The following CYYR1 variants were observed in gnomAD, a reference collection of about 807,000 sequenced individuals.
CYYR1 encodes cysteine and tyrosine rich 1.
CYYR1 carries 14 observed loss-of-function variants against 15.2 expected under a neutral mutation model. That is an observed-to-expected ratio of 0.92 (90% confidence interval 0.61 to 1.44). CYYR1 has a LOEUF of 1.44. Among genes scored for constraint, CYYR1 ranks in the 40% most tolerant of loss-of-function variants. CYYR1 has a pLI of 0.00. For missense variants in CYYR1, 228 were observed against 209.5 expected, an observed-to-expected ratio of 1.09 and a Z score of -0.54; for synonymous variants, 80 against 77.4, an observed-to-expected ratio of 1.03 and a Z score of -0.18.
At chr21:26,526,092 C>G (rs1601792589) in intron 2 of CYYR1, among the ~76,000 whole-genome samples, 1 of 152,032 alleles carries the variant, frequency 6.6e-6, no homozygotes, top group African/African-American at 2.4e-5. Context: ...AGGAAATAAT[C>G]TGTACAACAA....
intron 2 of CYYR1, among the ~76,000 whole-genome samples, chr21:26,513,057 G>A (rs2065672156): frequency 1.3e-5 from 2 of 152,024 alleles, no homozygotes; most frequent in Admixed American, 1.3e-4. Flanking sequence ...CTTTGTTCAC[G>A]TTGCTTCCCT....
At chr21:26,474,283 G>A (rs2065073014) in intron 3 of CYYR1, among the ~76,000 whole-genome samples, 1 of 151,706 alleles carries the variant, frequency 6.6e-6, no homozygotes, top group Non-Finnish European at 1.5e-5. Context: ...TCGAACTTCT[G>A]ACCTCATGAT....
intron 2 of CYYR1, among the ~76,000 whole-genome samples, chr21:26,481,282 A>G (rs2065176847): frequency 6.6e-6 from 1 of 152,148 alleles, no homozygotes; most frequent in African/African-American, 2.4e-5. Flanking sequence ...CATAAATACT[A>G]TAACAAGGAT....
intron 2 of CYYR1, among the ~76,000 whole-genome samples, chr21:26,515,636 A>C (rs2065717728): frequency 6.6e-6 from 1 of 152,158 alleles, no homozygotes; most frequent in Non-Finnish European, 1.5e-5. Flanking sequence ...GTCTTTATTC[A>C]GAACTGCTCT....
intron 3 of CYYR1, among the ~76,000 whole-genome samples, chr21:26,473,361 A>G (rs1428568707): frequency 6.6e-6 from 1 of 152,062 alleles, no homozygotes; most frequent in East Asian, 1.9e-4. Context: ...CATAAACTCA[A>G]TACTGCCCAT....
At chr21:26,550,546 A>AG (rs776589689) in intron 2 of CYYR1, 4 of 152,182 alleles carry the variant, frequency 2.6e-5, no homozygotes, top group Admixed American at 6.6e-5. Flanking sequence ...AAGTTCTTGA[A>AG]GGAAATTAAA....
chr21:26,554,461 T>C (rs1601825650), intron 2 of CYYR1, among the ~76,000 whole-genome samples: 3 of 152,294 alleles, frequency 2.0e-5, no homozygotes, highest in Non-Finnish European at 4.4e-5. Context: ...GTGTATCTAA[T>C]GTACATGACT....
Position 26,542,657 on chromosome 21 carries a change from T to G in CYYR1, c.176+23609A>C, listed in dbSNP as rs193271965. 1.1e-4 allele frequency among the ~76,000 whole-genome samples: 17 copies of G among 152,034 alleles called. No homozygotes were observed. The East Asian group carries it at 3.3e-3, about 29-fold the overall frequency. Reference sequence around the variant, plus strand: ...ACATAAAGTAAAAACCAAAAAGAATTAAAAGGCATACAGATCAGAAAGAAG... The same window carrying G: ...ACATAAAGTAAAAACCAAAAAGAATGAAAAGGCATACAGATCAGAAAGAAG... On this transcript the variant is annotated intron_variant, in intron 2 of 3. Coordinates refer to ENST00000652641, the MANE Select transcript of CYYR1 (RefSeq NM_001320768.2).
rs2064996854 is a variant in CYYR1, at chr21:26,468,620, A to T, written c.349T>A (p.Tyr117Asn). ...TATTCCATCTCGTGGTCGTGACCGT[A>T]GGGTGGTGGTCCTGCTGAAAAAGAA... The part of the protein sequence containing the change: ...VSSYPAGPPP[Y>N]GHDHEMEYCA... The change falls in exon 4 of 4, where the codon TAC becomes AAC. Residue 117 changes from tyrosine to asparagine, a missense_variant. Tyr to Asn is a moderately radical substitution (Grantham distance 143). Coordinates refer to ENST00000652641, the MANE Select transcript of CYYR1 (RefSeq NM_001320768.2). 1 of 1,607,964 alleles carries T rather than the reference A, an allele frequency of 6.2e-7. No homozygotes were observed. Among genetic ancestry groups the T allele is most frequent in the Non-Finnish European group, 8.5e-7 (1 of 1,176,680 alleles).
At chr21:26,541,356 G>A (rs1226698867) in intron 2 of CYYR1, among the ~76,000 whole-genome samples, 4 of 152,086 alleles carry the variant, frequency 2.6e-5, no homozygotes, top group Non-Finnish European at 5.9e-5. Flanking sequence ...AATCTTGAAA[G>A]CATCCATAGA....
intron 2 of CYYR1, 81 bp from the exon 3 acceptor site, chr21:26,480,510 G>C: frequency 7.3e-7 from 1 of 1,377,588 alleles, no homozygotes. Flanking sequence ...ATGATTATAG[G>C]ACAAGTGTTT....
rs577450711 is a variant in CYYR1, at chr21:26,566,122, T to G, written c.176+144A>C. On this transcript the variant is annotated intron_variant, in intron 2 of 3. Transcript: ENST00000652641. ...TATAGTCCATTAGATAGCGATGTGT[T>G]AATATCTCCAGTAAAGATTTCATGT... is the stretch of plus-strand genomic sequence containing the variant. 2.3e-5 allele frequency: 14 copies of G among 598,662 alleles called. No homozygotes were observed. The East Asian group carries it at 3.6e-4, about 15-fold the overall frequency. 37.1% of individuals were successfully genotyped at this position (598,662 alleles called of 1,614,324 possible).
chr21:26,539,445 C>T (rs1396037747), intron 2 of CYYR1, among the ~76,000 whole-genome samples: 1 of 152,176 alleles, frequency 6.6e-6, no homozygotes, highest in African/African-American at 2.4e-5. Context: ...TCTGATAAAA[C>T]CAATCCAAAA....
intron 2 of CYYR1, among the ~76,000 whole-genome samples, chr21:26,486,904 C>T (rs550616069): frequency 1.3e-5 from 2 of 151,832 alleles, no homozygotes; most frequent in Non-Finnish European, 2.9e-5. Flanking sequence ...ATGAAAAGTA[C>T]GCCAGAGTAA....
intron 2 of CYYR1, among the ~76,000 whole-genome samples, chr21:26,504,468 A>G (rs1601763411): frequency 6.6e-6 from 1 of 151,928 alleles, no homozygotes; most frequent in Non-Finnish European, 1.5e-5. Context: ...GATGGGGTTT[A>G]ACCATATTGG....
intron 3 of CYYR1, among the ~76,000 whole-genome samples, chr21:26,478,925 T>A (rs1379950459): frequency 6.6e-6 from 1 of 152,106 alleles, no homozygotes; most frequent in African/African-American, 2.4e-5. Context: ...TGGTAAAGGC[T>A]GTGAGTGGAC....
intron 3 of CYYR1, among the ~76,000 whole-genome samples, chr21:26,478,823 T>C (rs113162441): frequency 1.1e-4 from 16 of 152,134 alleles, no homozygotes; most frequent in African/African-American, 3.4e-4. Flanking sequence ...CAAAATACTG[T>C]ATATATTTTG....
chr21:26,537,791 T>C (rs1978319088), intron 2 of CYYR1, among the ~76,000 whole-genome samples: 1 of 152,086 alleles, frequency 6.6e-6, no homozygotes, highest in Admixed American at 6.6e-5. Context: ...CATTTGATGG[T>C]ATCAGGAGGT....
intron 2 of CYYR1, among the ~76,000 whole-genome samples, chr21:26,486,002 C>T (rs1007973890): frequency 6.6e-6 from 1 of 151,990 alleles, no homozygotes; most frequent in Non-Finnish European, 1.5e-5. Flanking sequence ...AGTGGTATTT[C>T]ATCATGGCCT....
Sources: gnomAD v4.1 joint callset for allele counts (sites outside exome capture counted in the v4.1 genomes callset) on GRCh38, gnomAD v4.1.1 for gene constraint, MANE v1.5 for transcripts, NCBI Gene and HGNC (gene_info 2026-07-23, HGNC 2026-07-21) for gene names.